The following ZNF790 variants were observed in gnomAD, a reference collection of about 807,000 sequenced individuals.
ZNF790 encodes zinc finger protein 790.
Under a neutral mutation model 12.1 loss-of-function variants are expected in ZNF790, and 8 were observed. The ratio of observed to expected loss-of-function variants is 0.66; its 90% CI spans 0.39 to 1.19. ZNF790 has a LOEUF of 1.19. Among genes scored for constraint, ZNF790 ranks in the 50% most tolerant of loss-of-function variants. ZNF790 has a pLI of 0.01. For missense variants in ZNF790, 707 were observed against 752.2 expected (o/e 0.94, Z 0.70); for synonymous variants, 252 against 244.3 (o/e 1.03, Z -0.29).
intron 1 of ZNF790, among the ~76,000 whole-genome samples, chr19:36,831,780 G>A (rs1208444370): frequency 6.6e-6 from 1 of 152,146 alleles, no homozygotes; most frequent in South Asian, 2.1e-4. Context: ...TAACACTACA[G>A]TTTTAATACT....
chr19:36,818,518 T>G lies in ZNF790; in HGVS notation c.1826A>C (p.Asn609Thr). ...ATAGGATTTCTCAAAAGTGTAAATATTCTGGTGTTGAGCAAAGTTTGACTC... is the reference window on the plus strand; with the variant it reads ...ATAGGATTTCTCAAAAGTGTAAATAGTCTGGTGTTGAGCAAAGTTTGACTC... Reference protein sequence around the residue: ...SHESNFAQHQNIYTFEKSYEF... With the variant: ...SHESNFAQHQTIYTFEKSYEF... Residue 609 changes from asparagine to threonine, a missense_variant, in exon 5 of 5, where the codon AAT becomes ACT. Asn to Thr is a moderately conservative substitution (Grantham distance 65). Coordinates refer to ENST00000356725, the MANE Select transcript of ZNF790 (RefSeq NM_206894.4). 4 of 1,600,932 alleles carry G rather than the reference T, an allele frequency of 2.5e-6. No individual in the cohort carries two copies. The highest frequency in any genetic ancestry group is 3.4e-6 in the Non-Finnish European group (4 of 1,169,758).
At chr19:36,836,164 T>C (rs147594157) in intron 1 of ZNF790, among the ~76,000 whole-genome samples, 20 of 152,176 alleles carry the variant, frequency 1.3e-4, no homozygotes, top group African/African-American at 4.8e-4. Flanking sequence ...TGAATTGGCT[T>C]AGGTAAGCAA....
In ZNF790 at chr19:36,838,123, C is replaced by CACAT. The variant is rs1266065617; in HGVS notation, c.-74+213_-74+214insATGT. The CACAT allele has an allele frequency of 1.2e-5, 1 of 81,892 alleles. No individual in the cohort carries two copies. Among genetic ancestry groups the CACAT allele is most frequent in the Non-Finnish European group, 2.6e-5 (1 of 37,934 alleles). 5.1% of individuals were successfully genotyped at this position (81,892 alleles called of 1,614,324 possible). ...GCGTGCGCGCACACACACACACACA[C>CACAT]ACACATACACACACACACACACAAG... On this transcript the variant is annotated intron_variant, in intron 1 of 4. Coordinates refer to ENST00000356725, the MANE Select transcript of ZNF790 (RefSeq NM_206894.4). The surrounding 1 kb of genome is among the most constrained non-coding windows in gnomAD (Gnocchi z 4.4).
intron 1 of ZNF790, among the ~76,000 whole-genome samples, chr19:36,845,197 A>AAGACCAGCC (rs1387145530): frequency 6.6e-6 from 1 of 152,016 alleles, no homozygotes; most frequent in Admixed American, 6.6e-5. Context: ...GTGGAGGTTC[A>AAGACCAGCC]TTTGCATCTA....
At chr19:36,830,759 A>C (rs1568339558) in intron 1 of ZNF790, among the ~76,000 whole-genome samples, 1 of 152,236 alleles carries the variant, frequency 6.6e-6, no homozygotes, top group Admixed American at 6.5e-5. Context: ...CTTTTTTCAC[A>C]TGAAAATACC....
chr19:36,830,739 G>T (rs2071930074), intron 1 of ZNF790, among the ~76,000 whole-genome samples: 1 of 152,130 alleles, frequency 6.6e-6, no homozygotes, highest in Non-Finnish European at 1.5e-5. Flanking sequence ...AACTACCCTT[G>T]CCCCATTCAC....
chr19:36,848,805 GTT>G, intron 1 of ZNF790, among the ~76,000 whole-genome samples: 1 of 151,666 alleles, frequency 6.6e-6, no homozygotes, highest in Admixed American at 6.6e-5. Context: ...TTTTTTGGGG[GTT>G]TTTTGAGACG....
At chr19:36,823,591 C>T (rs2146027165) in intron 3 of ZNF790, 76 bp downstream of exon 3, 2 of 1,557,572 alleles carry the variant, frequency 1.3e-6, no homozygotes, top group Non-Finnish European at 1.7e-6. Flanking sequence ...CAGAAGTTAC[C>T]CTGGACATTT....
upstream of ZNF790, among the ~76,000 whole-genome samples, chr19:36,842,953 C>T (rs948287694): frequency 2.2e-5 from 3 of 138,582 alleles, no homozygotes; most frequent in African/African-American, 8.0e-5. Context: ...TGCAGTGAGC[C>T]AAGATCGCAC....
At chr19:36,827,177 T>TATATAC (rs1387560651) in intron 1 of ZNF790, among the ~76,000 whole-genome samples, 11 of 121,254 alleles carry the variant, frequency 9.1e-5, no homozygotes, top group East Asian at 4.7e-4. Context: ...TATATATATA[T>TATATAC]ACACTTACCA....
intron 1 of ZNF790, 85 bp from the exon 2 acceptor site, chr19:36,825,777 A>T (rs2071783780): frequency 1.3e-6 from 1 of 785,422 alleles, no homozygotes; most frequent in African/African-American, 1.7e-5. Flanking sequence ...CCTTGGAGGT[A>T]AGTCAGAAGG....
intron 4 of ZNF790, among the ~76,000 whole-genome samples, chr19:36,823,017 T>G (rs972634230): frequency 2.0e-5 from 3 of 151,894 alleles, no homozygotes; most frequent in African/African-American, 7.3e-5. Context: ...GCCTGGCTAA[T>G]TTTTTGTATT....
intron 1 of ZNF790, among the ~76,000 whole-genome samples, chr19:36,837,105 ATATTT>A (rs1426537599): frequency 6.6e-6 from 1 of 152,224 alleles, no homozygotes; most frequent in Non-Finnish European, 1.5e-5. Flanking sequence ...CCTTGTATTT[ATATTT>A]ATCTACTATA....
At position 36,818,726 on chromosome 19, in the gene ZNF790, C is replaced by G. The variant is rs767942655; in HGVS notation, c.1618G>C (p.Gly540Arg). 5 of 1,613,362 alleles carry G rather than the reference C, an allele frequency of 3.1e-6. No homozygotes were observed. The highest frequency in any genetic ancestry group is 3.4e-6 in the Non-Finnish European group (4 of 1,179,760). Reference sequence around the variant, plus strand: ...TGTGAACCCCAGATAAAAGATTTCCCACATTCTTTACATACGTAAGGTTCC... The same window carrying G: ...TGTGAACCCCAGATAAAAGATTTCCGACATTCTTTACATACGTAAGGTTCC... ...GEEPYVCKECGKSFIWGSQLT... is the reference protein window; with the variant it reads ...GEEPYVCKECRKSFIWGSQLT... The change falls in exon 5 of 5, where the codon GGG becomes CGG. Residue 540 changes from glycine (G) to arginine (R), a missense_variant. Transcript: ENST00000356725.
intron 1 of ZNF790, among the ~76,000 whole-genome samples, chr19:36,826,152 A>T (rs567080526): frequency 6.6e-6 from 1 of 152,248 alleles, no homozygotes; most frequent in South Asian, 2.1e-4. Flanking sequence ...TTTCCCTTAT[A>T]GGAGCAGCCC....
intron 1 of ZNF790, among the ~76,000 whole-genome samples, chr19:36,831,016 G>A (rs749808418): frequency 6.6e-6 from 1 of 152,126 alleles, no homozygotes; most frequent in African/African-American, 2.4e-5. Context: ...GCATGTGCCT[G>A]TAGTGCCAGC....
rs74745059 is a variant in ZNF790 at position 36,847,785 on chromosome 19, G to A, written c.-74+2217C>T. Among the ~76,000 whole-genome samples, 796 of 151,878 alleles carry A rather than the reference G, an allele frequency of 5.2e-3. 22 individuals are homozygous for A. The highest frequency in any genetic ancestry group is 0.038 in the Admixed American group (584 of 15,248). On this transcript the variant is annotated intron_variant, in intron 1 of 4. Coordinates refer to the ZNF790 transcript ENST00000528994. ...AAAAGAAGTGGAGCCCTTAGGAGGT[G>A]ATTAAATTATGAGGGAAGAGCCTAC...
At chr19:36,836,558 A>G (rs1600669334) in intron 1 of ZNF790, among the ~76,000 whole-genome samples, 1 of 152,118 alleles carries the variant, frequency 6.6e-6, no homozygotes, top group South Asian at 2.1e-4. Context: ...AGAGATCGAG[A>G]CCATCCTGGC....
rs140405152 is a variant in ZNF790 at position 36,821,099 on chromosome 19, T to G, written c.230-985A>C. On this transcript the variant is annotated intron_variant, in intron 4 of 4. Transcript: ENST00000356725. ...ACAACAAAAAAATAGTTTGAGAAAT[T>G]TTTTCAAGGGAGAAGGAGTCTGGCA... Among the ~76,000 whole-genome samples the G allele has an allele frequency of 5.7e-4, 77 of 134,916 alleles. 1 individual carries two copies. In the East Asian group the frequency reaches 9.0e-3, roughly 16 times the overall value. 88.5% of individuals were successfully genotyped at this position (134,916 alleles called of 152,430 possible).
Sources: allele counts gnomAD v4.1 joint callset (sites outside exome capture counted in the v4.1 genomes callset), GRCh38; gene constraint gnomAD v4.1.1; non-coding constraint Gnocchi (gnomAD v3.1); transcripts MANE v1.5; gene names NCBI Gene and HGNC (gene_info 2026-07-23, HGNC 2026-07-21).